Variants in ALK observed in about 807,000 individuals in gnomAD.
ALK encodes the protein ALK receptor tyrosine kinase.
ALK carries 74 observed loss-of-function variants against 163.1 expected under a neutral mutation model. The observed-to-expected ratio is 0.45, with a 90% CI of 0.38 to 0.55. ALK has a LOEUF of 0.55. Among genes scored for constraint, ALK ranks in the 20% least tolerant of loss-of-function variants. The pLI, the probability that ALK is intolerant of heterozygous loss-of-function variation, is 0.00. For synonymous variants in ALK, 960 were observed against 843.2 expected, an observed-to-expected ratio of 1.14 and a Z score of -2.40; for missense variants, 2,063 against 2,105.3, an observed-to-expected ratio of 0.98 and a Z score of 0.39.
chr2:29,869,653 G>A (rs1399742216), intron 1 of ALK, among the ~76,000 whole-genome samples: 1 of 152,056 alleles, frequency 6.6e-6, no homozygotes, highest in Non-Finnish European at 1.5e-5. Flanking sequence ...GAAGAAGAAA[G>A]TATGGATAAA....
intron 1 of ALK, among the ~76,000 whole-genome samples, chr2:29,883,158 GAGGAA>G (rs1456087587): frequency 3.3e-5 from 5 of 151,906 alleles, no homozygotes; most frequent in Non-Finnish European, 1.5e-5. Context: ...AAAAAGAAAA[GAGGAA>G]AGGAAAGGAA....
intron 3 of ALK, among the ~76,000 whole-genome samples, chr2:29,627,847 A>G (rs1242834430): frequency 6.6e-6 from 1 of 152,238 alleles, no homozygotes; most frequent in Non-Finnish European, 1.5e-5. Context: ...TGTGTGTTTA[A>G]AGAGAGAAAA....
At chr2:29,488,812 C>A (rs1303616137) in intron 4 of ALK, among the ~76,000 whole-genome samples, 1 of 152,154 alleles carries the variant, frequency 6.6e-6, no homozygotes, top group Non-Finnish European at 1.5e-5. Context: ...GTTATCACGG[C>A]CCGGTCTTCC....
At chr2:29,813,661 C>T (rs1298518121) in intron 1 of ALK, among the ~76,000 whole-genome samples, 1 of 152,134 alleles carries the variant, frequency 6.6e-6, no homozygotes, top group Admixed American at 6.5e-5. Context: ...CAAATAATGG[C>T]CCACTGTAGT....
chr2:29,540,216 G>T (rs1178065270), intron 3 of ALK, among the ~76,000 whole-genome samples: 5 of 152,060 alleles, frequency 3.3e-5, no homozygotes, highest in African/African-American at 4.8e-5. Context: ...TCTTTATAGG[G>T]TTCCTGACCT....
At chr2:29,280,208 G>A (rs1020699680) in intron 9 of ALK, among the ~76,000 whole-genome samples, 1 of 152,042 alleles carries the variant, frequency 6.6e-6, no homozygotes. Flanking sequence ...CTGAGGGGAG[G>A]TTATGGTATA....
intron 5 of ALK, among the ~76,000 whole-genome samples, chr2:29,365,578 T>G (rs1462221700): frequency 6.6e-6 from 1 of 152,194 alleles, no homozygotes; most frequent in Non-Finnish European, 1.5e-5. Flanking sequence ...CAGAACACAC[T>G]CTGCATCCTG....
intron 3 of ALK, among the ~76,000 whole-genome samples, chr2:29,686,250 G>GT (rs1435362365): frequency 6.6e-6 from 1 of 152,216 alleles, no homozygotes; most frequent in Non-Finnish European, 1.5e-5. Context: ...TTCAGCTGCT[G>GT]TGATGGGCCA....
chr2:29,546,556 C>G (rs979582994), intron 3 of ALK, among the ~76,000 whole-genome samples: 3 of 152,018 alleles, frequency 2.0e-5, no homozygotes, highest in African/African-American at 7.2e-5. Flanking sequence ...GGGAGCTGGG[C>G]GACCAGGGTG....
intron 1 of ALK, among the ~76,000 whole-genome samples, chr2:29,771,755 C>T (rs930169649): frequency 1.3e-5 from 2 of 151,892 alleles, no homozygotes; most frequent in East Asian, 1.9e-4. Flanking sequence ...AGGATGGTCT[C>T]GATTGCCTGA....
At chr2:29,689,309 A>T (rs1486570648) in intron 3 of ALK, among the ~76,000 whole-genome samples, 1 of 152,198 alleles carries the variant, frequency 6.6e-6, no homozygotes, top group Non-Finnish European at 1.5e-5. Flanking sequence ...TCAGCCACTT[A>T]TTTGCAGCCT....
intron 4 of ALK, among the ~76,000 whole-genome samples, chr2:29,474,502 A>T (rs1360638247): frequency 6.6e-6 from 1 of 152,234 alleles, no homozygotes; most frequent in East Asian, 1.9e-4. Flanking sequence ...AAGGAAAAAT[A>T]GCAACGACGG....
In ALK at chr2:29,315,410, A is replaced by T. The variant is rs553870511; in HGVS notation, c.1647+2894T>A. ...CCCGCTTCTCTTCTCCCCCGCCTCC[A>T]TCATTTCTCATCCCTTTTCTGACTC... On this transcript the variant is annotated intron_variant, in intron 8 of 28. Transcript: ENST00000389048. Among the ~76,000 whole-genome samples, 6 of 152,214 alleles carry T rather than the reference A, an allele frequency of 3.9e-5. No homozygotes were observed. The South Asian group carries it at 1.2e-3, about 32-fold the overall frequency.
chr2:29,849,045 A>G (rs1235532311), intron 1 of ALK, among the ~76,000 whole-genome samples: 1 of 152,050 alleles, frequency 6.6e-6, no homozygotes, highest in Non-Finnish European at 1.5e-5. Flanking sequence ...CTTCTGACTT[A>G]CACATCTCCA....
At chr2:29,303,986 A>G (rs1258208444) in intron 8 of ALK, among the ~76,000 whole-genome samples, 1 of 152,202 alleles carries the variant, frequency 6.6e-6, no homozygotes, top group Middle Eastern at 3.2e-3. Flanking sequence ...GCATTATGCT[A>G]TTGCATAACG....
At chr2:29,628,742 T>A (rs1200680557) in intron 3 of ALK, among the ~76,000 whole-genome samples, 1 of 152,210 alleles carries the variant, frequency 6.6e-6, no homozygotes. Flanking sequence ...CTAGTTCATG[T>A]GTGATCTCAA....
intron 4 of ALK, among the ~76,000 whole-genome samples, chr2:29,404,734 T>G (rs1669539562): frequency 6.6e-6 from 1 of 152,342 alleles, no homozygotes; most frequent in Non-Finnish European, 1.5e-5. Context: ...TTCAAGAGTT[T>G]TCATACTAAA....
At chr2:29,195,709 C>T (rs924899141) in intron 28 of ALK, among the ~76,000 whole-genome samples, 36 of 152,096 alleles carry the variant, frequency 2.4e-4, no homozygotes, top group African/African-American at 8.0e-4. Flanking sequence ...TGCTCCAGCC[C>T]GGGCAGTAGA....
At chr2:29,884,899 A>G (rs1474329119) in intron 1 of ALK, among the ~76,000 whole-genome samples, 1 of 152,206 alleles carries the variant, frequency 6.6e-6, no homozygotes, top group Non-Finnish European at 1.5e-5. Flanking sequence ...AAATGGCCAC[A>G]AAGCACATTT....
Sources: gnomAD v4.1 joint callset for allele counts (sites outside exome capture counted in the v4.1 genomes callset) on GRCh38, gnomAD v4.1.1 for gene constraint, MANE v1.5 for transcripts, NCBI Gene and HGNC (gene_info 2026-07-23, HGNC 2026-07-21) for gene names.